The following CCDC150 variants were observed in gnomAD, a reference collection of about 807,000 sequenced individuals.
CCDC150 encodes the protein coiled-coil domain containing 150.
A neutral mutation model predicts 156.5 loss-of-function variants in CCDC150; 151 were observed. The observed-to-expected ratio is 0.97, with a 90% CI of 0.85 to 1.10. The LOEUF is 1.10. Ranked by LOEUF, CCDC150 falls within the 50% of genes least tolerant of loss-of-function variation. CCDC150 has a pLI of 0.00. For missense variants in CCDC150, 1,312 were observed against 1,268.1 expected (o/e 1.03, Z -0.53); for synonymous variants, 452 against 429.4 (o/e 1.05, Z -0.65).
At chr2:196,645,430 G>A (rs765027186) in intron 1 of CCDC150, among the ~76,000 whole-genome samples, 4 of 152,222 alleles carry the variant, frequency 2.6e-5, no homozygotes, top group Non-Finnish European at 4.4e-5. Context: ...GATATCCCAA[G>A]TTGGACCCTT....
Position 196,713,284 on chromosome 2 carries a change from C to G in CCDC150, c.1866+545C>G, listed in dbSNP as rs909137510. Reference sequence around the variant, plus strand: ...CTTCTAGAACACTGTGTTGTTTCTCCTAGTAAAGGGGCTATTCCTTGAAAA... The same window carrying G: ...CTTCTAGAACACTGTGTTGTTTCTCGTAGTAAAGGGGCTATTCCTTGAAAA... On this transcript the variant is annotated intron_variant, in intron 17 of 27. Transcript: ENST00000389175. 3 of 1,400,110 alleles carry G rather than the reference C, an allele frequency of 2.1e-6. No individual in the cohort carries two copies. The African/African-American group carries it at 4.4e-5, about 20-fold the overall frequency. The allele number at this position is 1,400,110 out of a possible 1,614,324, so 86.7% of individuals were successfully genotyped here. A position where few individuals can be genotyped will look rare whatever the true frequency, so the allele number is the denominator to read the frequency against.
intron 19 of CCDC150, 109 bp from the exon 20 acceptor site, chr2:196,720,466 A>T (rs1238914873): frequency 1.3e-6 from 1 of 750,334 alleles, no homozygotes; most frequent in African/African-American, 1.8e-5. Flanking sequence ...ATATATAAGT[A>T]TGATGCTATT....
intron 15 of CCDC150, among the ~76,000 whole-genome samples, chr2:196,701,942 T>C (rs998568958): frequency 5.3e-5 from 8 of 152,086 alleles, no homozygotes; most frequent in Non-Finnish European, 8.8e-5. Context: ...TTATAAAATG[T>C]TGGGGGAGGC....
intron 13 of CCDC150, among the ~76,000 whole-genome samples, chr2:196,683,337 A>G (rs1054221811): frequency 2.0e-5 from 3 of 152,022 alleles, no homozygotes; most frequent in African/African-American, 7.2e-5. Flanking sequence ...TTGAAATGGA[A>G]AACTAAGCTT....
chr2:196,721,733 T>G, intron 21 of CCDC150, 42 bp downstream of exon 21: 8 of 1,480,230 alleles, frequency 5.4e-6, no homozygotes, highest in Non-Finnish European at 7.3e-6. Context: ...GAAGCACCTC[T>G]GGAGGAGTAA....
intron 7 of CCDC150, chr2:196,667,761 A>C (rs1166486557): frequency 1.3e-5 from 2 of 152,236 alleles, no homozygotes; most frequent in Non-Finnish European, 2.9e-5. Context: ...ATTATAAAAA[A>C]TATAGAGCAA....
At chr2:196,648,283 A>G (rs1024244479) in intron 2 of CCDC150, among the ~76,000 whole-genome samples, 2 of 152,088 alleles carry the variant, frequency 1.3e-5, no homozygotes, top group Admixed American at 1.3e-4. Flanking sequence ...CCTTTTCTCA[A>G]TACCCTTGCC....
chr2:196,703,516 T>C (rs541740370), intron 15 of CCDC150, among the ~76,000 whole-genome samples: 2 of 152,204 alleles, frequency 1.3e-5, no homozygotes, highest in African/African-American at 2.4e-5. Flanking sequence ...ACCTCTCTTA[T>C]CTACTTCTCA....
rs146288440 is a variant in CCDC150 at position 196,677,421 on chromosome 2, G to A, written c.1509+60G>A. On this transcript the variant is annotated intron_variant, in intron 13 of 27. Coordinates refer to ENST00000389175, the MANE Select transcript of CCDC150 (RefSeq NM_001080539.2). ...ATTTCCTTCTGTATTGCTGACTACC[G>A]TATCAGCTTATCTTAATGAGGAGAT... 75 of 1,087,068 alleles carry A rather than the reference G, an allele frequency of 6.9e-5. No homozygotes were observed. In the East Asian group the frequency reaches 1.1e-3, roughly 16 times the overall value. 67.3% of individuals were successfully genotyped at this position (1,087,068 alleles called of 1,614,324 possible).
chr2:196,708,026 G>C (rs560012428), intron 15 of CCDC150, among the ~76,000 whole-genome samples: 1 of 152,012 alleles, frequency 6.6e-6, no homozygotes, highest in Non-Finnish European at 1.5e-5. Flanking sequence ...TTAGGTCTGC[G>C]TGGTGCAAAG....
chr2:196,702,155 G>T (rs1361690274), intron 15 of CCDC150, among the ~76,000 whole-genome samples: 1 of 152,102 alleles, frequency 6.6e-6, no homozygotes, highest in East Asian at 1.9e-4. Context: ...AGCCCCAAGT[G>T]GGAGGATCAC....
intron 13 of CCDC150, among the ~76,000 whole-genome samples, chr2:196,680,940 G>T (rs1460423956): frequency 6.6e-6 from 1 of 152,062 alleles, no homozygotes; most frequent in African/African-American, 2.4e-5. Context: ...ATCTCACTGT[G>T]GTTTTTTAAT....
intron 15 of CCDC150, among the ~76,000 whole-genome samples, chr2:196,709,572 G>C (rs755148124): frequency 1.3e-5 from 2 of 152,094 alleles, no homozygotes; most frequent in Non-Finnish European, 2.9e-5. Context: ...TGATCCTTTG[G>C]GGGAGAAGAG....
chr2:196,713,515 C>T (rs1184086776), intron 17 of CCDC150: 4 of 1,550,566 alleles, frequency 2.6e-6, no homozygotes. Flanking sequence ...TTGCACCTAA[C>T]CTGCCTTCTA....
chr2:196,700,969 T>G (rs1696165939), intron 14 of CCDC150, 140 bp from the exon 15 acceptor site: 1 of 613,796 alleles, frequency 1.6e-6, no homozygotes. Context: ...AGGAAAAGAC[T>G]AAAAGCAGCA....
chr2:196,669,988 A>T (rs901480798), intron 8 of CCDC150, 112 bp downstream of exon 8: 6 of 675,660 alleles, frequency 8.9e-6, no homozygotes, highest in Non-Finnish European at 1.5e-5. Context: ...AGTTTTATTT[A>T]AAAAGTTTCA....
Position 196,718,637 on chromosome 2 carries a change from G to A in CCDC150, c.1995+6G>A. ...AGGACAGGGAAAACAAGAAGGCAAGGAATCAGTCCCTTCTGACCGTCTGTC... is the reference window on the plus strand; with the variant it reads ...AGGACAGGGAAAACAAGAAGGCAAGAAATCAGTCCCTTCTGACCGTCTGTC... On this transcript the variant is annotated splice_donor_region_variant and intron_variant, in intron 18 of 27. Coordinates refer to ENST00000389175, the MANE Select transcript of CCDC150 (RefSeq NM_001080539.2). 1 of 1,612,874 alleles carries A rather than the reference G, an allele frequency of 6.2e-7. No individual in the cohort carries two copies. Among genetic ancestry groups the A allele is most frequent in the Non-Finnish European group, 8.5e-7 (1 of 1,179,238 alleles).
chr2:196,659,161 C>T (rs1314900280), intron 5 of CCDC150, among the ~76,000 whole-genome samples: 1 of 152,144 alleles, frequency 6.6e-6, no homozygotes, highest in Non-Finnish European at 1.5e-5. Context: ...CACTTTCTTG[C>T]AAAGTCCTTT....
chr2:196,728,694 A>T (rs1698352330), intron 22 of CCDC150, among the ~76,000 whole-genome samples: 1 of 152,232 alleles, frequency 6.6e-6, no homozygotes. Context: ...TTCTTCAGAC[A>T]TGAGGTTGCA....
Sources: gnomAD v4.1 joint callset for allele counts (sites outside exome capture counted in the v4.1 genomes callset) on GRCh38, gnomAD v4.1.1 for gene constraint, MANE v1.5 for transcripts, NCBI Gene and HGNC (gene_info 2026-07-23, HGNC 2026-07-21) for gene names.